The following PRKCA variants were observed in gnomAD, a reference collection of about 807,000 sequenced individuals.
PRKCA encodes protein kinase C alpha.
In PRKCA, 27 loss-of-function variants were observed where a neutral mutation model predicts 87.0. That is an observed-to-expected ratio of 0.31 (90% CI 0.23 to 0.43). The LOEUF is 0.43. Among genes scored for constraint, PRKCA ranks in the 20% least tolerant of loss-of-function variants. The pLI is 1.00. For synonymous variants in PRKCA, 329 were observed against 311.1 expected (o/e 1.06, Z -0.61); for missense variants, 518 against 852.3 (o/e 0.61, Z 4.88).
intron 3 of PRKCA, among the ~76,000 whole-genome samples, chr17:66,507,072 T>G (rs1007036441): frequency 6.6e-6 from 1 of 152,234 alleles, no homozygotes; most frequent in African/African-American, 2.4e-5. Context: ...ATTCATTGTA[T>G]GTAAACATTA....
chr17:66,789,013 C>T, intron 16 of PRKCA, 34 bp downstream of exon 16: 3 of 1,612,920 alleles, frequency 1.9e-6, no homozygotes, highest in Non-Finnish European at 2.5e-6. Context: ...TTTCGGAACC[C>T]CATGTCCCCA....
At chr17:66,356,757 T>A (rs1236678130) in intron 2 of PRKCA, among the ~76,000 whole-genome samples, 1 of 152,130 alleles carries the variant, frequency 6.6e-6, no homozygotes, top group Non-Finnish European at 1.5e-5. Context: ...TTTTTAAATA[T>A]TTTTTTAAAA....
chr17:66,310,132 G>T (rs1468923601), intron 2 of PRKCA, among the ~76,000 whole-genome samples: 1 of 151,908 alleles, frequency 6.6e-6, no homozygotes, highest in African/African-American at 2.4e-5. Flanking sequence ...CTCTCAAAAT[G>T]TGACCTGCCT....
At chr17:66,583,882 A>T in intron 3 of PRKCA, among the ~76,000 whole-genome samples, 1 of 152,164 alleles carries the variant, frequency 6.6e-6, no homozygotes, top group East Asian at 1.9e-4. Context: ...TAAAATTAAG[A>T]CTCACAGCCT....
intron 12 of PRKCA, 21 bp downstream of exon 12, chr17:66,741,742 A>G (rs969771690): frequency 6.2e-7 from 1 of 1,612,264 alleles, no homozygotes; most frequent in Non-Finnish European, 8.5e-7. Context: ...AAGCCCTCCT[A>G]CCAGCAGCTC....
intron 2 of PRKCA, among the ~76,000 whole-genome samples, chr17:66,332,881 C>T (rs28775015): frequency 0.011 from 1,646 of 151,964 alleles, 32 homozygotes; most frequent in African/African-American, 0.038. Context: ...TTAGTAGAGA[C>T]GGGGTTTCAC....
chr17:66,406,436 C>G (rs1175383910), intron 2 of PRKCA, among the ~76,000 whole-genome samples: 1 of 152,092 alleles, frequency 6.6e-6, no homozygotes, highest in Admixed American at 6.6e-5. Context: ...AAAGGTCTGT[C>G]TGGAATCCAA....
intron 3 of PRKCA, among the ~76,000 whole-genome samples, chr17:66,560,242 A>T (rs1028076823): frequency 4.0e-5 from 3 of 75,482 alleles, no homozygotes. Context: ...AATCAGGAAT[A>T]AAAAAAAAAT....
intron 3 of PRKCA, among the ~76,000 whole-genome samples, chr17:66,559,060 C>T (rs1381023040): frequency 6.6e-6 from 1 of 152,168 alleles, no homozygotes; most frequent in African/African-American, 2.4e-5. Context: ...TCAAGTGGAA[C>T]TGTTTGGACA....
chr17:66,733,195 C>T (rs540960163), intron 9 of PRKCA, among the ~76,000 whole-genome samples: 1 of 151,426 alleles, frequency 6.6e-6, no homozygotes, highest in South Asian at 2.1e-4. Context: ...TACAGTCATC[C>T]AGAAGACCAC....
intron 5 of PRKCA, among the ~76,000 whole-genome samples, chr17:66,646,007 A>G (rs1427209627): frequency 6.6e-6 from 1 of 152,182 alleles, no homozygotes; most frequent in Non-Finnish European, 1.5e-5. Flanking sequence ...GGAACTTCAC[A>G]TAGATTAGTT....
intron 2 of PRKCA, among the ~76,000 whole-genome samples, chr17:66,348,134 G>T (rs549115823): frequency 6.6e-6 from 1 of 151,494 alleles, no homozygotes; most frequent in African/African-American, 2.4e-5. Context: ...TAGAGATGGG[G>T]TTTCACCATG....
chr17:66,487,971 T>C (rs1916057347), intron 2 of PRKCA, among the ~76,000 whole-genome samples: 2 of 152,210 alleles, frequency 1.3e-5, no homozygotes, highest in South Asian at 4.1e-4. Flanking sequence ...TGTCTGTTTT[T>C]GCTTTTGTTG....
intron 2 of PRKCA, among the ~76,000 whole-genome samples, chr17:66,369,720 G>A (rs1201163294): frequency 6.6e-6 from 1 of 152,176 alleles, no homozygotes. Context: ...GAGGGGATGG[G>A]TGGCGTGATG....
intron 2 of PRKCA, among the ~76,000 whole-genome samples, chr17:66,373,974 G>A (rs1005395633): frequency 1.3e-5 from 2 of 152,152 alleles, no homozygotes. Context: ...GTGGGATGTG[G>A]GGGCCCTGCT....
At chr17:66,445,778 A>G (rs1432864564) in intron 2 of PRKCA, among the ~76,000 whole-genome samples, 1 of 148,672 alleles carries the variant, frequency 6.7e-6, no homozygotes, top group African/African-American at 2.5e-5. Context: ...ATCTGTCTAC[A>G]TTAGGGTTGG....
intron 14 of PRKCA, among the ~76,000 whole-genome samples, chr17:66,779,097 T>G (rs1975138911): frequency 6.6e-6 from 1 of 152,182 alleles, no homozygotes; most frequent in Non-Finnish European, 1.5e-5. Context: ...CCCTCCAAGC[T>G]TCAGCAATCC....
chr17:66,466,235 T>A (rs1466960229), intron 2 of PRKCA, among the ~76,000 whole-genome samples: 1 of 152,116 alleles, frequency 6.6e-6, no homozygotes, highest in African/African-American at 2.4e-5. Flanking sequence ...GTGAATGAAA[T>A]TTTGGAACAT....
At chr17:66,456,846 C>G (rs763172048) in intron 2 of PRKCA, among the ~76,000 whole-genome samples, 1 of 152,192 alleles carries the variant, frequency 6.6e-6, no homozygotes, top group African/African-American at 2.4e-5. Context: ...CTTGGAGGAA[C>G]AGCTTTCGAT....
Sources: gnomAD v4.1 joint callset for allele counts (sites outside exome capture counted in the v4.1 genomes callset) on GRCh38, gnomAD v4.1.1 for gene constraint, MANE v1.5 for transcripts, NCBI Gene and HGNC (gene_info 2026-07-23, HGNC 2026-07-21) for gene names.